The following ANKS1B variants were observed in gnomAD, a reference collection of about 807,000 sequenced individuals.
ANKS1B encodes ankyrin repeat and sterile alpha motif domain containing 1B, also known as ankyrin repeat and sterile alpha motif domain-containing protein 1B.
In ANKS1B, 36 loss-of-function variants were observed where a neutral mutation model predicts 148.3. The observed-to-expected ratio is 0.24, with a 90% CI of 0.19 to 0.32. The LOEUF (loss-of-function observed/expected upper bound fraction) is 0.32. Among genes scored for constraint, ANKS1B ranks in the 10% least tolerant of loss-of-function variants. ANKS1B has a pLI of 1.00. For missense variants in ANKS1B, 1,157 were observed against 1,542.6 expected (o/e 0.75, Z 4.19); for synonymous variants, 542 against 560.8 (o/e 0.97, Z 0.47).
intron 9 of ANKS1B, chr12:99,648,693 G>A (rs1251147738): frequency 6.2e-7 from 1 of 1,614,152 alleles, no homozygotes; most frequent in South Asian, 1.1e-5. Context: ...TTTACATCCT[G>A]AGACCACCAG....
chr12:98,921,022 T>G (rs184738142), intron 17 of ANKS1B, among the ~76,000 whole-genome samples: 23 of 152,364 alleles, frequency 1.5e-4, no homozygotes, highest in African/African-American at 5.3e-4. Context: ...ATGTATATAA[T>G]TTATTTGGCT....
chr12:98,970,868 T>A (rs759488321), intron 17 of ANKS1B, among the ~76,000 whole-genome samples: 2 of 152,198 alleles, frequency 1.3e-5, no homozygotes, highest in Non-Finnish European at 2.9e-5. Flanking sequence ...TCTATGGGCC[T>A]CCACAGGTTG....
chr12:99,729,104 C>T (rs2058891884), intron 8 of ANKS1B, among the ~76,000 whole-genome samples: 1 of 152,200 alleles, frequency 6.6e-6, no homozygotes, highest in Non-Finnish European at 1.5e-5. Flanking sequence ...AACATATTCA[C>T]AGTTCTGTGT....
At chr12:99,888,198 G>C (rs752389277) in intron 1 of ANKS1B, among the ~76,000 whole-genome samples, 1 of 152,320 alleles carries the variant, frequency 6.6e-6, no homozygotes, top group South Asian at 2.1e-4. Flanking sequence ...AGTAACAGGG[G>C]AATAATTCCC....
At chr12:99,476,115 A>G (rs10860443) in intron 10 of ANKS1B, among the ~76,000 whole-genome samples, 51,364 of 152,146 alleles carry the variant, frequency 0.34, 10,767 homozygotes, top group African/African-American at 0.6. Context: ...ATTGAAGGCC[A>G]GGTGCGGCAG....
chr12:99,448,361 C>T (rs915094690), intron 10 of ANKS1B, among the ~76,000 whole-genome samples: 2 of 152,094 alleles, frequency 1.3e-5, no homozygotes, highest in African/African-American at 4.8e-5. Context: ...ACAAATGACA[C>T]GTGATCTCAC....
chr12:99,377,483 C>T (rs73151135), intron 12 of ANKS1B, among the ~76,000 whole-genome samples: 18,880 of 152,004 alleles, frequency 0.12, 1,233 homozygotes, highest in African/African-American at 0.17. Flanking sequence ...AATATAAAAA[C>T]TTAAAAAAAT....
chr12:99,228,264 A>T (rs2086264365), intron 14 of ANKS1B, among the ~76,000 whole-genome samples: 1 of 152,132 alleles, frequency 6.6e-6, no homozygotes, highest in Admixed American at 6.6e-5. Context: ...AATGAAGTTC[A>T]CGAATGCAAT....
chr12:99,817,378 GTGT>G (rs2082006592), intron 2 of ANKS1B, among the ~76,000 whole-genome samples: 1 of 151,578 alleles, frequency 6.6e-6, no homozygotes, highest in Non-Finnish European at 1.5e-5. Flanking sequence ...ATATTCTATT[GTGT>G]ATATGTGCCA....
chr12:99,023,643 T>A (rs2099947078), intron 17 of ANKS1B, among the ~76,000 whole-genome samples: 6 of 151,962 alleles, frequency 3.9e-5, no homozygotes, highest in Admixed American at 3.9e-4. Context: ...TATTTAGGAT[T>A]CTTGACTTTA....
At chr12:99,254,317 G>T (rs1237838602) in intron 12 of ANKS1B, among the ~76,000 whole-genome samples, 1 of 152,184 alleles carries the variant, frequency 6.6e-6, no homozygotes, top group Non-Finnish European at 1.5e-5. Flanking sequence ...GATTATTTCA[G>T]AAGTTTCATG....
intron 12 of ANKS1B, among the ~76,000 whole-genome samples, chr12:99,277,210 C>T (rs931283931): frequency 6.6e-6 from 1 of 152,156 alleles, no homozygotes; most frequent in Non-Finnish European, 1.5e-5. Flanking sequence ...TCCTATCTGC[C>T]ATGTAGTTCT....
chr12:99,899,774 A>G (rs1055684549), intron 1 of ANKS1B, among the ~76,000 whole-genome samples: 4 of 152,218 alleles, frequency 2.6e-5, no homozygotes, highest in African/African-American at 7.2e-5. Context: ...TAAGTTAAAA[A>G]TAATAATGCC....
intron 9 of ANKS1B, chr12:99,649,453 CATAAA>C: frequency 2.1e-6 from 3 of 1,404,698 alleles, no homozygotes; most frequent in Non-Finnish European, 3.0e-6. Context: ...CCCCTGCAGT[CATAAA>C]ACCTATAGTG....
intron 11 of ANKS1B, among the ~76,000 whole-genome samples, chr12:99,402,048 T>C (rs2094418729): frequency 6.8e-6 from 1 of 146,552 alleles, no homozygotes; most frequent in African/African-American, 2.6e-5. Context: ...TCTGGCTTTT[T>C]AGAGAAAATA....
Position 99,955,492 on chromosome 12 carries a change from CAAAAAAAAAAAAAAAAAAA to C in ANKS1B, c.134+28593_134+28611del, listed in dbSNP as rs61654867. Among the ~76,000 whole-genome samples the C allele has an allele frequency of 3.1e-4, 12 of 38,096 alleles. No homozygotes were observed. In the South Asian group the frequency reaches 8.7e-3, roughly 28 times the overall value. 25.0% of individuals were successfully genotyped at this position (38,096 alleles called of 152,430 possible). On this transcript the variant is annotated intron_variant, in intron 1 of 26. Transcript: ENST00000683438. ...TGGGCGACAGAGCGAAACTCCGTCT[CAAAAAAAAAAAAAAAAAAA>C]AAAAAAAAAAAAAAAAAGGCCTTCT...
chr12:99,828,103 T>A lies in ANKS1B; in HGVS notation c.135-2714A>T, dbSNP rs184839502. ...ATCCATACAATGGAAATAAAAAGAA[T>A]TAAATACTCAGAAACAAAAGGAATT... is the stretch of plus-strand genomic sequence containing the variant. On this transcript the variant is annotated intron_variant, in intron 1 of 26. Coordinates refer to ENST00000683438, the MANE Select transcript of ANKS1B (RefSeq NM_001352186.2). 3.0e-3 allele frequency among the ~76,000 whole-genome samples: 453 copies of A among 152,212 alleles called. 2 individuals carry two copies. Among genetic ancestry groups the A allele is most frequent in the African/African-American group, 0.011 (438 of 41,518 alleles).
At chr12:99,773,341 T>C (rs1190049711) in intron 7 of ANKS1B, among the ~76,000 whole-genome samples, 4 of 152,178 alleles carry the variant, frequency 2.6e-5, no homozygotes. Flanking sequence ...TATGTATACA[T>C]AGTACATAAA....
chr12:99,662,750 C>A (rs533603615), intron 8 of ANKS1B, among the ~76,000 whole-genome samples: 1 of 152,078 alleles, frequency 6.6e-6, no homozygotes, highest in African/African-American at 2.4e-5. Context: ...AACTCTATAG[C>A]GGAGGTGAAT....
Sources: allele counts gnomAD v4.1 joint callset (sites outside exome capture counted in the v4.1 genomes callset), GRCh38; gene constraint gnomAD v4.1.1; transcripts MANE v1.5; gene names NCBI Gene and HGNC (gene_info 2026-07-23, HGNC 2026-07-21).